The following HNF4G variants were observed in gnomAD, a reference collection of about 807,000 sequenced individuals.
The protein encoded by HNF4G is hepatocyte nuclear factor 4 gamma, also known as hepatocyte nuclear factor 4-gamma.
A neutral mutation model predicts 50.9 loss-of-function variants in HNF4G; 21 were observed. That is an observed-to-expected ratio of 0.41 (90% CI 0.29 to 0.59). HNF4G has a LOEUF of 0.59. Ranked by LOEUF, HNF4G falls within the 20% of genes least tolerant of loss-of-function variation. The pLI is 0.26. For missense variants in HNF4G, 527 were observed against 559.4 expected (o/e 0.94, Z 0.58); for synonymous variants, 198 against 185.6 (o/e 1.07, Z -0.54).
chr8:75,521,447 C>A (rs1404476962), intron 2 of HNF4G, among the ~76,000 whole-genome samples: 1 of 152,120 alleles, frequency 6.6e-6, no homozygotes, highest in Non-Finnish European at 1.5e-5. Flanking sequence ...ATTTTACTTG[C>A]TTTTCATGTG....
intron 2 of HNF4G, chr8:75,526,816 G>A (rs563881094): frequency 6.6e-6 from 1 of 151,268 alleles, no homozygotes; most frequent in East Asian, 1.9e-4. Flanking sequence ...GCCCGGGCTA[G>A]AGTGCAGTGG....
intron 2 of HNF4G, among the ~76,000 whole-genome samples, chr8:75,534,651 C>T (rs1427536816): frequency 6.6e-6 from 1 of 151,766 alleles, no homozygotes; most frequent in Non-Finnish European, 1.5e-5. Context: ...AATATAGTAG[C>T]ATCTTTCTAA....
At chr8:75,560,706 A>G (rs1183965689) in intron 9 of HNF4G, among the ~76,000 whole-genome samples, 2 of 152,164 alleles carry the variant, frequency 1.3e-5, no homozygotes, top group African/African-American at 2.4e-5. Context: ...GGGGAGCACA[A>G]AAGAGTATAC....
At chr8:75,496,690 G>C (rs796836958) in intron 2 of HNF4G, among the ~76,000 whole-genome samples, 3 of 151,974 alleles carry the variant, frequency 2.0e-5, no homozygotes, top group South Asian at 4.1e-4. Flanking sequence ...ATAATATTTG[G>C]TTTTTATTCC....
intron 2 of HNF4G, among the ~76,000 whole-genome samples, chr8:75,533,560 T>G (rs1806385266): frequency 6.6e-6 from 1 of 151,972 alleles, no homozygotes; most frequent in Non-Finnish European, 1.5e-5. Flanking sequence ...TAGTTCATAT[T>G]ATATTCATAT....
chr8:75,480,436 T>G (rs1385152942), intron 1 of HNF4G, among the ~76,000 whole-genome samples: 5 of 152,170 alleles, frequency 3.3e-5, no homozygotes, highest in African/African-American at 1.2e-4. Context: ...TAAAAATAAT[T>G]TTTATCAGTG....
chr8:75,444,713 C>A (rs1226141338), intron 1 of HNF4G, among the ~76,000 whole-genome samples: 2 of 99,870 alleles, frequency 2.0e-5, no homozygotes, highest in Non-Finnish European at 4.0e-5. Context: ...GGGATCAATT[C>A]AACAAGAAGA....
chr8:75,466,570 C>CTCCTTCCTTCCTTCCT (rs542246055), intron 1 of HNF4G, among the ~76,000 whole-genome samples: 1 of 64,934 alleles, frequency 1.5e-5, no homozygotes, highest in Admixed American at 2.1e-4. Context: ...TCTTTTCTCG[C>CTCCTTCCTTCCTTCCT]TCCTTCCTTC....
intron 1 of HNF4G, among the ~76,000 whole-genome samples, chr8:75,454,457 T>C (rs1253483019): frequency 6.6e-6 from 1 of 152,200 alleles, no homozygotes; most frequent in Non-Finnish European, 1.5e-5. Flanking sequence ...TGTCTGGTAC[T>C]TGGTACCCAC....
intron 1 of HNF4G, among the ~76,000 whole-genome samples, chr8:75,487,577 C>T (rs1275423227): frequency 6.6e-6 from 1 of 152,078 alleles, no homozygotes; most frequent in Non-Finnish European, 1.5e-5. Context: ...TTTCTTTTGC[C>T]TACCAATCAA....
At chr8:75,509,889 T>C (rs1022400120) in intron 2 of HNF4G, among the ~76,000 whole-genome samples, 1 of 152,240 alleles carries the variant, frequency 6.6e-6, no homozygotes, top group Non-Finnish European at 1.5e-5. Context: ...TAAATGACTA[T>C]GTTGCTGGTT....
At chr8:75,485,143 A>C (rs545709701) in intron 1 of HNF4G, among the ~76,000 whole-genome samples, 2 of 152,358 alleles carry the variant, frequency 1.3e-5, no homozygotes, top group African/African-American at 4.8e-5. Context: ...ATTCTGAAGA[A>C]AATATATAAA....
At chr8:75,539,658 A>G (rs1806557316), upstream of HNF4G, among the ~76,000 whole-genome samples, 1 of 152,154 alleles carries the variant, frequency 6.6e-6, no homozygotes, top group Non-Finnish European at 1.5e-5. Flanking sequence ...GATCTCATTT[A>G]TTGTCTACTG....
At chr8:75,548,561 A>G (rs1806857687) in intron 3 of HNF4G, among the ~76,000 whole-genome samples, 3 of 152,190 alleles carry the variant, frequency 2.0e-5, no homozygotes. Context: ...CATCTTGAAT[A>G]TATTAAGTAA....
chr8:75,496,669 A>G (rs983099854), intron 2 of HNF4G, among the ~76,000 whole-genome samples: 4 of 152,118 alleles, frequency 2.6e-5, no homozygotes, highest in African/African-American at 9.7e-5. Flanking sequence ...GGTTGTCATG[A>G]AGGAGCTCCT....
At chr8:75,457,825 G>A (rs920250669) in intron 1 of HNF4G, among the ~76,000 whole-genome samples, 9 of 152,152 alleles carry the variant, frequency 5.9e-5, no homozygotes, top group Middle Eastern at 3.4e-3. Flanking sequence ...AGGGATGCAG[G>A]AATGTATGTT....
chr8:75,456,845 A>G (rs1177380058), intron 1 of HNF4G, among the ~76,000 whole-genome samples: 3 of 151,962 alleles, frequency 2.0e-5, no homozygotes, highest in Non-Finnish European at 4.4e-5. Flanking sequence ...GATTTAAGCG[A>G]TTCCCCCACT....
chr8:75,417,555 G>A (rs768635661), intron 1 of HNF4G, among the ~76,000 whole-genome samples: 2 of 152,078 alleles, frequency 1.3e-5, no homozygotes, highest in Non-Finnish European at 2.9e-5. Flanking sequence ...ATACTAATAA[G>A]GTCTTATGCT....
chr8:75,508,154 C>A (rs1015090169), intron 2 of HNF4G, among the ~76,000 whole-genome samples: 1 of 152,046 alleles, frequency 6.6e-6, no homozygotes, highest in African/African-American at 2.4e-5. Flanking sequence ...CTAAATGACC[C>A]TTTTCTGTAT....
Sources: gnomAD v4.1 joint callset for allele counts (sites outside exome capture counted in the v4.1 genomes callset) on GRCh38, gnomAD v4.1.1 for gene constraint, MANE v1.5 for transcripts, NCBI Gene and HGNC (gene_info 2026-07-23, HGNC 2026-07-21) for gene names.